RNF157: variants seen among roughly 807,000 people sequenced by gnomAD.
RNF157 encodes the protein ring finger protein 157.
RNF157 carries 55 observed loss-of-function variants against 88.3 expected under a neutral mutation model. That is an observed-to-expected ratio of 0.62 (90% CI 0.50 to 0.78). RNF157 has a LOEUF of 0.78. RNF157 is among the 30% of genes least tolerant of loss of function. The pLI is 0.00. For missense variants in RNF157, 788 were observed against 860.8 expected (o/e 0.92, Z 1.06); for synonymous variants, 334 against 341.2 (o/e 0.98, Z 0.23).
chr17:76,217,116 A>G (rs2069902249), intron 1 of RNF157, among the ~76,000 whole-genome samples: 1 of 152,190 alleles, frequency 6.6e-6, no homozygotes, highest in Admixed American at 6.5e-5. Flanking sequence ...GAAGACGCAT[A>G]AAATGTGCAA....
rs759581027 is a variant in RNF157 at position 76,156,223 on chromosome 17, A to C, written c.1512T>G (p.Ile504Met). 3.1e-6 allele frequency: 5 copies of C among 1,613,650 alleles called. No homozygotes were observed. The South Asian group carries it at 4.4e-5, about 14-fold the overall frequency. Residue 504 changes from isoleucine (I) to methionine (M), a missense_variant, in exon 14 of 19, where the codon ATT becomes ATG. Ile to Met is a conservative substitution (Grantham distance 10, BLOSUM62 1). Transcript: ENST00000269391. ...CTCCTTATGTACCTTCTGGGGAGGA[A>C]ATAGTGGATGACAGAGGCGTCCCTG... ...SCTGTPLSSTISSPEGPASSS... is the reference protein window; with the variant it reads ...SCTGTPLSSTMSSPEGPASSS...
At chr17:76,156,860 G>A (rs562487662) in intron 13 of RNF157, among the ~76,000 whole-genome samples, 7 of 152,058 alleles carry the variant, frequency 4.6e-5, no homozygotes, top group South Asian at 2.1e-4. Context: ...AGCCTCACCC[G>A]TCCAAGATGG....
Position 76,146,824 on chromosome 17 carries a change from C to G in RNF157, c.1922-1471G>C, listed in dbSNP as rs894699763. 1 of 985,334 alleles carries G rather than the reference C, an allele frequency of 1.0e-6. No homozygotes were observed. Among genetic ancestry groups the G allele is most frequent in the Non-Finnish European group, 1.2e-6 (1 of 829,936 alleles). The allele number at this position is 985,334 out of a possible 1,614,324, so 61.0% of individuals were successfully genotyped here. A position where few individuals can be genotyped will look rare whatever the true frequency, so the allele number is the denominator to read the frequency against. On this transcript the variant is annotated intron_variant, in intron 18 of 18. Transcript: ENST00000269391. This position sits in a 1 kb window ranked among gnomAD's most constrained non-coding sequence, Gnocchi z 4.2. ...GACCTGTTCAGCGGACAAGGCCGAC[C>G]AACTGTAGAGTGTGGCCGTGAGGTT...
At chr17:76,184,680 G>A (rs774590692) in intron 2 of RNF157, among the ~76,000 whole-genome samples, 1 of 152,206 alleles carries the variant, frequency 6.6e-6, no homozygotes, top group Non-Finnish European at 1.5e-5. Flanking sequence ...AGCTTAGAAT[G>A]AATGGTAATC....
At chr17:76,232,732 T>C (rs1400442376) in intron 1 of RNF157, among the ~76,000 whole-genome samples, 1 of 152,222 alleles carries the variant, frequency 6.6e-6, no homozygotes, top group African/African-American at 2.4e-5. Context: ...AGATTCCAAT[T>C]CCTCTGCATT....
At chr17:76,229,308 C>A (rs965429758) in intron 1 of RNF157, among the ~76,000 whole-genome samples, 1 of 152,204 alleles carries the variant, frequency 6.6e-6, no homozygotes, top group Non-Finnish European at 1.5e-5. Flanking sequence ...TACAAGAGAG[C>A]TGGATTTTAT....
chr17:76,170,768 G>A (rs1171003481), intron 3 of RNF157, among the ~76,000 whole-genome samples: 1 of 151,962 alleles, frequency 6.6e-6, no homozygotes, highest in Admixed American at 6.6e-5. Flanking sequence ...TGATTTCCTG[G>A]GTCTACTAAG....
At position 76,226,851 on chromosome 17, in the gene RNF157, G is replaced by A. The variant is rs2070097342; in HGVS notation, c.88+13302C>T. 28 of 1,440,778 alleles carry A rather than the reference G, an allele frequency of 1.9e-5. No individual in the cohort carries two copies. In the South Asian group the frequency reaches 3.5e-4, roughly 18 times the overall value. The allele number at this position is 1,440,778 out of a possible 1,614,324, so 89.2% of individuals were successfully genotyped here. ...ATCGAGTAATGTGCTTAATTCGAAG[G>A]TGTCTTTGTCGGTTACAGCAATGCT... On this transcript the variant is annotated intron_variant, in intron 1 of 18. Coordinates refer to ENST00000269391, the MANE Select transcript of RNF157 (RefSeq NM_052916.3).
At position 76,164,793 on chromosome 17, in the gene RNF157, G is replaced by A. The variant is rs775918590; in HGVS notation, c.675C>T (p.His225=). The A allele has an allele frequency of 3.1e-5, 50 of 1,609,984 alleles. No individual in the cohort carries two copies. Among genetic ancestry groups the A allele is most frequent in the African/African-American group, 4.0e-5 (3 of 74,804 alleles). Residue 225 remains histidine, a splice_region_variant and synonymous_variant, in exon 8 of 19, where the codon CAC becomes CAT. Coordinates refer to ENST00000269391, the MANE Select transcript of RNF157 (RefSeq NM_052916.3). The part of the protein sequence containing the change: ...CHVLLGTFEK[H]TDGTFCVKPL... ...GCTTGACACAGAAAGTTCCATCTGT[G>A]TGCTGGAATGAAAATATGAAAGTTA... is the stretch of plus-strand genomic sequence containing the variant.
At chr17:76,162,473 TA>T in intron 9 of RNF157, 78 bp downstream of exon 9, 1 of 1,078,536 alleles carries the variant, frequency 9.3e-7, no homozygotes, top group Non-Finnish European at 1.4e-6. Flanking sequence ...TTTGGCACGC[TA>T]AATTTCTGGA....
intron 3 of RNF157, among the ~76,000 whole-genome samples, chr17:76,171,007 C>T (rs921941790): frequency 4.7e-5 from 7 of 147,640 alleles, no homozygotes; most frequent in Admixed American, 6.7e-5. Flanking sequence ...ATTCTCCTGC[C>T]TCAGCCTCCC....
chr17:76,196,140 G>A (rs1310103252), intron 2 of RNF157, among the ~76,000 whole-genome samples: 1 of 152,164 alleles, frequency 6.6e-6, no homozygotes, highest in Non-Finnish European at 1.5e-5. Context: ...CTGTAACACT[G>A]CCGCCTCAAT....
intron 13 of RNF157, 77 bp downstream of exon 13, chr17:76,158,316 G>C: frequency 1.1e-6 from 1 of 925,916 alleles, no homozygotes; most frequent in Non-Finnish European, 1.8e-6. Context: ...GAGAGCAGAG[G>C]GACCTGATGA....
At chr17:76,147,949 G>A (rs968494021) in intron 18 of RNF157, among the ~76,000 whole-genome samples, 1 of 152,186 alleles carries the variant, frequency 6.6e-6, no homozygotes, top group South Asian at 2.1e-4. Flanking sequence ...GTACATTCAG[G>A]AAAATTTCAC....
intron 2 of RNF157, among the ~76,000 whole-genome samples, chr17:76,206,112 T>C (rs1225073844): frequency 6.6e-6 from 1 of 151,902 alleles, no homozygotes; most frequent in African/African-American, 2.4e-5. Flanking sequence ...GTGCTTGTAG[T>C]CCCAGCTACT....
intron 2 of RNF157, among the ~76,000 whole-genome samples, chr17:76,181,098 A>G (rs1268553263): frequency 6.6e-6 from 1 of 152,146 alleles, no homozygotes; most frequent in Non-Finnish European, 1.5e-5. Context: ...GCAGAACCAC[A>G]ATTTGAACCC....
At position 76,167,080 on chromosome 17, in the gene RNF157, T is replaced by G. The variant is rs2068939029; in HGVS notation, c.490A>C (p.Lys164Gln). Residue 164 changes from lysine to glutamine, a missense_variant, in exon 5 of 19, where the codon AAG (lysine) becomes CAG (glutamine). Physicochemically the swap from Lys to Gln is moderately conservative, Grantham distance 53. Transcript: ENST00000269391. ...NSLQSETVQYKRGVCQQFCLP... is the reference protein window; with the variant it reads ...NSLQSETVQYQRGVCQQFCLP... The stretch of plus-strand genomic sequence containing the variant: ...CAGAACTGCTGACACACTCCTCGCT[T>G]GTACTGCACAGTCTCCGACTGGAGG... 1.9e-6 allele frequency: 3 copies of G among 1,613,250 alleles called. No individual in the cohort carries two copies. Among genetic ancestry groups the G allele is most frequent in the Non-Finnish European group, 2.5e-6 (3 of 1,179,896 alleles).
At chr17:76,228,420 T>G (rs576700297) in intron 1 of RNF157, among the ~76,000 whole-genome samples, 1 of 152,306 alleles carries the variant, frequency 6.6e-6, no homozygotes, top group Admixed American at 6.5e-5. Context: ...GAGGCATTCC[T>G]CCTTTCCAAG....
chr17:76,167,161 G>C, intron 4 of RNF157, 35 bp from the exon 5 acceptor site: 3 of 1,512,024 alleles, frequency 2.0e-6, no homozygotes, highest in Non-Finnish European at 2.8e-6. Context: ...GCAAAAGTCA[G>C]TATCCGGCAC....
Sources: allele counts gnomAD v4.1 joint callset (sites outside exome capture counted in the v4.1 genomes callset), GRCh38; gene constraint gnomAD v4.1.1; non-coding constraint Gnocchi (gnomAD v3.1); transcripts MANE v1.5; gene names NCBI Gene and HGNC (gene_info 2026-07-23, HGNC 2026-07-21).